Variants in NREP observed in about 807,000 individuals in gnomAD.
NREP encodes the protein neuronal regeneration-related protein.
A neutral mutation model predicts 8.6 loss-of-function variants in NREP; 5 were observed. That is an observed-to-expected ratio of 0.58 (90% CI 0.30 to 1.22). The LOEUF (loss-of-function observed/expected upper bound fraction) is 1.22. Ranked by LOEUF, NREP falls within the 50% of genes most tolerant of loss-of-function variation. The probability of loss-of-function intolerance (pLI) is 0.07; values close to 1 mark genes in which losing one functional copy is unlikely to be tolerated. For synonymous variants in NREP, 27 were observed against 28.0 expected, an observed-to-expected ratio of 0.96 and a Z score of 0.11; for missense variants, 86 against 82.5, an observed-to-expected ratio of 1.04 and a Z score of -0.17.
chr5:111,958,035 A>C (rs1756374075), intron 2 of NREP, among the ~76,000 whole-genome samples: 1 of 152,026 alleles, frequency 6.6e-6, no homozygotes, highest in South Asian at 2.1e-4. Flanking sequence ...GAAGCTTTCG[A>C]AAGCTAACAG....
chr5:111,929,738 C>A (rs1755485025), intron 2 of NREP, among the ~76,000 whole-genome samples: 2 of 152,150 alleles, frequency 1.3e-5, no homozygotes, highest in Non-Finnish European at 2.9e-5. Flanking sequence ...GTGTGGCAAA[C>A]CATGTTTTCC....
chr5:111,936,694 A>G (rs769679788), intron 2 of NREP, among the ~76,000 whole-genome samples: 1 of 152,124 alleles, frequency 6.6e-6, no homozygotes, highest in Non-Finnish European at 1.5e-5. Context: ...TCCCAAATGC[A>G]TGACTACAAT....
intron 2 of NREP, among the ~76,000 whole-genome samples, chr5:111,795,037 T>C (rs1751845332): frequency 1.3e-5 from 2 of 151,730 alleles, no homozygotes; most frequent in Admixed American, 6.6e-5. Flanking sequence ...AAATGTGATG[T>C]GAATAAATTG....
intron 2 of NREP, among the ~76,000 whole-genome samples, chr5:111,939,850 A>C (rs774572231): frequency 3.3e-5 from 5 of 152,216 alleles, no homozygotes; most frequent in Non-Finnish European, 7.4e-5. Flanking sequence ...ATGAGTCCAA[A>C]GTTAATGAAT....
intron 2 of NREP, among the ~76,000 whole-genome samples, chr5:111,882,105 T>C (rs1050546168): frequency 1.3e-5 from 2 of 152,066 alleles, no homozygotes; most frequent in South Asian, 2.1e-4. Flanking sequence ...GAATGTATAA[T>C]TAGAATAACC....
intron 2 of NREP, among the ~76,000 whole-genome samples, chr5:111,742,279 T>C (rs1749731957): frequency 6.6e-6 from 1 of 152,154 alleles, no homozygotes; most frequent in Non-Finnish European, 1.5e-5. Flanking sequence ...TTGCAGACTT[T>C]AATAGTGGAA....
upstream of NREP, chr5:111,758,210 G>C: frequency 1.0e-6 from 1 of 985,542 alleles, no homozygotes; most frequent in Non-Finnish European, 1.2e-6. Flanking sequence ...AGGTCCTGTG[G>C]CTGCGCGTGC....
At chr5:111,821,876 A>AT (rs905475604) in intron 2 of NREP, among the ~76,000 whole-genome samples, 5 of 151,944 alleles carry the variant, frequency 3.3e-5, no homozygotes, top group East Asian at 1.9e-4. Flanking sequence ...ATATTTATGT[A>AT]TTTTTTTTCT....
At chr5:111,778,517 TTATA>T (rs1435269391) in intron 2 of NREP, among the ~76,000 whole-genome samples, 1 of 152,172 alleles carries the variant, frequency 6.6e-6, no homozygotes, top group Non-Finnish European at 1.5e-5. Flanking sequence ...TATGAATTCC[TTATA>T]TAAAGAGTTA....
chr5:111,958,419 A>G (rs1756388556), intron 2 of NREP, among the ~76,000 whole-genome samples: 2 of 151,976 alleles, frequency 1.3e-5, no homozygotes, highest in South Asian at 2.1e-4. Context: ...AATTTACCAC[A>G]TAGAGAAATC....
chr5:111,786,912 G>A (rs953278461), intron 2 of NREP, among the ~76,000 whole-genome samples: 2 of 152,192 alleles, frequency 1.3e-5, no homozygotes, highest in African/African-American at 4.8e-5. Flanking sequence ...GAAGGGAAAA[G>A]AAAGTTATAT....
chr5:111,939,068 G>A (rs1021354687), intron 2 of NREP, among the ~76,000 whole-genome samples: 2 of 151,880 alleles, frequency 1.3e-5, no homozygotes, highest in South Asian at 4.2e-4. Context: ...TTTTGTTGCT[G>A]TTAATCATGC....
chr5:111,833,619 T>C (rs1253270582), intron 2 of NREP, among the ~76,000 whole-genome samples: 4 of 152,100 alleles, frequency 2.6e-5, no homozygotes, highest in East Asian at 1.9e-4. Context: ...AGGATTGAGG[T>C]CAGTACTGCA....
At chr5:111,851,172 G>A (rs529025183) in intron 2 of NREP, among the ~76,000 whole-genome samples, 10 of 152,246 alleles carry the variant, frequency 6.6e-5, no homozygotes, top group African/African-American at 2.2e-4. Flanking sequence ...CCTACATTGA[G>A]GCATAGATAT....
chr5:111,891,102 A>G (rs1446740770), intron 2 of NREP, among the ~76,000 whole-genome samples: 1 of 152,184 alleles, frequency 6.6e-6, no homozygotes, highest in Non-Finnish European at 1.5e-5. Flanking sequence ...TTCTTTGCTC[A>G]GATATCTGAG....
At chr5:111,976,211 T>C (rs1303368520) in intron 1 of NREP, among the ~76,000 whole-genome samples, 1 of 152,220 alleles carries the variant, frequency 6.6e-6, no homozygotes, top group Non-Finnish European at 1.5e-5. Flanking sequence ...ATAGGAGCTC[T>C]GCATATTTCA....
At chr5:111,754,361 T>A (rs1206805935) in intron 2 of NREP, among the ~76,000 whole-genome samples, 1 of 152,178 alleles carries the variant, frequency 6.6e-6, no homozygotes, top group African/African-American at 2.4e-5. Flanking sequence ...TCCATAGTCA[T>A]ATTTATGTTT....
chr5:111,871,234 A>G (rs764323395), intron 2 of NREP, among the ~76,000 whole-genome samples: 5 of 152,204 alleles, frequency 3.3e-5, no homozygotes, highest in Non-Finnish European at 5.9e-5. Flanking sequence ...TTGCTCTCCT[A>G]GGCTACAAAC....
chr5:111,890,343 C>G (rs1368418939), intron 2 of NREP, among the ~76,000 whole-genome samples: 1 of 152,232 alleles, frequency 6.6e-6, no homozygotes, highest in Non-Finnish European at 1.5e-5. Flanking sequence ...CTTGCAGCTA[C>G]TCTCAGAGGT....
Sources: gnomAD v4.1 joint callset for allele counts (sites outside exome capture counted in the v4.1 genomes callset) on GRCh38, gnomAD v4.1.1 for gene constraint, MANE v1.5 for transcripts, NCBI Gene and HGNC (gene_info 2026-07-23, HGNC 2026-07-21) for gene names.